The following ATXN1 variants were observed in gnomAD, a reference collection of about 807,000 sequenced individuals.
ATXN1 encodes ataxin 1, also known as ataxin-1.
A neutral mutation model predicts 56.4 loss-of-function variants in ATXN1; 8 were observed. The ratio of observed to expected loss-of-function variants is 0.14; its 90% CI spans 0.08 to 0.26. The LOEUF (loss-of-function observed/expected upper bound fraction) is 0.26, where lower values mean the gene tolerates loss of function less well. Among genes scored for constraint, ATXN1 ranks in the 10% least tolerant of loss-of-function variants. ATXN1 has a pLI of 1.00. For synonymous variants in ATXN1, 514 were observed against 494.6 expected, an observed-to-expected ratio of 1.04 and a Z score of -0.52; for missense variants, 987 against 1,106.5, an observed-to-expected ratio of 0.89 and a Z score of 1.53.
rs1179159463 is a variant in ATXN1 at position 16,438,551 on chromosome 6, T to G, written c.-161+47421A>C. Among the ~76,000 whole-genome samples the G allele has an allele frequency of 2.0e-5, 3 of 152,200 alleles. No homozygotes were observed. The East Asian group carries it at 5.8e-4, about 29-fold the overall frequency. Reference sequence around the variant, plus strand: ...ACAGTAAATTTTAATTAGTTTTAATTAGAAATGAGAAGTCCTACACCTCAT... The same window carrying G: ...ACAGTAAATTTTAATTAGTTTTAATGAGAAATGAGAAGTCCTACACCTCAT... On this transcript the variant is annotated intron_variant, in intron 6 of 7. Coordinates refer to ENST00000436367, the MANE Select transcript of ATXN1 (RefSeq NM_001128164.2).
intron 4 of ATXN1, among the ~76,000 whole-genome samples, chr6:16,552,783 T>C (rs1761945116): frequency 6.6e-6 from 1 of 152,242 alleles, no homozygotes; most frequent in Non-Finnish European, 1.5e-5. Context: ...TCTGTTTACC[T>C]GCTGGTCCAT....
chr6:16,317,492 T>C (rs554643242), intron 7 of ATXN1, among the ~76,000 whole-genome samples: 1 of 152,086 alleles, frequency 6.6e-6, no homozygotes, highest in Non-Finnish European at 1.5e-5. Flanking sequence ...ACCAGGCTAA[T>C]TTTTTTGTAT....
At chr6:16,726,665 G>T (rs1043765843) in intron 2 of ATXN1, among the ~76,000 whole-genome samples, 3 of 151,976 alleles carry the variant, frequency 2.0e-5, no homozygotes, top group African/African-American at 7.3e-5. Flanking sequence ...AGGAGTTCAA[G>T]ACTAGCCTGG....
At chr6:16,567,596 G>C (rs1398930212) in intron 4 of ATXN1, among the ~76,000 whole-genome samples, 1 of 152,130 alleles carries the variant, frequency 6.6e-6, no homozygotes, top group Non-Finnish European at 1.5e-5. Flanking sequence ...CCTCCTAACA[G>C]AACAGCATCA....
intron 4 of ATXN1, among the ~76,000 whole-genome samples, chr6:16,575,820 G>A (rs1223922518): frequency 6.6e-6 from 1 of 152,212 alleles, no homozygotes; most frequent in African/African-American, 2.4e-5. Context: ...AAAAAGGGGT[G>A]TGGCAATTGG....
chr6:16,537,459 C>T (rs1039965237), intron 4 of ATXN1, among the ~76,000 whole-genome samples: 1 of 151,932 alleles, frequency 6.6e-6, no homozygotes, highest in Non-Finnish European at 1.5e-5. Flanking sequence ...AATCCCAGCA[C>T]TTTGGGAGGC....
Position 16,390,108 on chromosome 6 carries a change from G to A in ATXN1, c.-160-61638C>T, listed in dbSNP as rs147303626. 6.0e-3 allele frequency among the ~76,000 whole-genome samples: 913 copies of A among 152,234 alleles called. 8 individuals are homozygous for A. The highest frequency in any genetic ancestry group is 0.021 in the African/African-American group (862 of 41,514). On this transcript the variant is annotated intron_variant, in intron 6 of 7. Coordinates refer to ENST00000436367, the MANE Select transcript of ATXN1 (RefSeq NM_001128164.2). ...TATCTGTAATGTCTGGCTAACACGAGCTTCCCAGGCTTTAAGTTAGCAGCT... is the reference window on the plus strand; with the variant it reads ...TATCTGTAATGTCTGGCTAACACGAACTTCCCAGGCTTTAAGTTAGCAGCT...
chr6:16,365,124 T>C (rs1314755790), intron 6 of ATXN1, among the ~76,000 whole-genome samples: 2 of 152,204 alleles, frequency 1.3e-5, no homozygotes, highest in Admixed American at 6.5e-5. Flanking sequence ...GTTTGTTACA[T>C]ATGTATACAT....
At chr6:16,507,529 C>T (rs2113680561) in intron 5 of ATXN1, among the ~76,000 whole-genome samples, 1 of 152,222 alleles carries the variant, frequency 6.6e-6, no homozygotes. Flanking sequence ...CTGAAGTCTC[C>T]AAAGCCAAAT....
At position 16,760,552 on chromosome 6, in the gene ATXN1, G is replaced by C. The variant is rs1295568492; in HGVS notation, c.-730+746C>G. On this transcript the variant is annotated intron_variant, in intron 1 of 7. Coordinates refer to ENST00000436367, the MANE Select transcript of ATXN1 (RefSeq NM_001128164.2). The surrounding 1 kb of genome is among the most constrained non-coding windows in gnomAD (Gnocchi z 5.3). ...CCCGCTACCCCCGCGCGGTCCCCGAGGCCACCCCTCTGCGCCCCCCGCCCG... is the reference window on the plus strand; with the variant it reads ...CCCGCTACCCCCGCGCGGTCCCCGACGCCACCCCTCTGCGCCCCCCGCCCG... Among the ~76,000 whole-genome samples, 2 of 150,716 alleles carry C rather than the reference G, an allele frequency of 1.3e-5. No individual in the cohort carries two copies. Among genetic ancestry groups the C allele is most frequent in the African/African-American group, 4.9e-5 (2 of 41,128 alleles).
chr6:16,537,392 A>G (rs566323840), intron 4 of ATXN1, among the ~76,000 whole-genome samples: 5 of 152,028 alleles, frequency 3.3e-5, no homozygotes, highest in African/African-American at 9.7e-5. Context: ...ACTCTAGTGC[A>G]TAAGTGGCTG....
chr6:16,457,536 G>A (rs183869118), intron 6 of ATXN1, among the ~76,000 whole-genome samples: 13 of 152,014 alleles, frequency 8.6e-5, no homozygotes, highest in Non-Finnish European at 1.3e-4. Context: ...TCTGCACTAC[G>A]GTCTGGCCTT....
chr6:16,683,420 C>T (rs983071605), intron 2 of ATXN1, among the ~76,000 whole-genome samples: 2 of 152,238 alleles, frequency 1.3e-5, no homozygotes, highest in African/African-American at 4.8e-5. Context: ...GTTATTTCAA[C>T]TTTCCACCTC....
At chr6:16,622,172 G>A (rs1763330210) in intron 3 of ATXN1, among the ~76,000 whole-genome samples, 1 of 152,148 alleles carries the variant, frequency 6.6e-6, no homozygotes, top group South Asian at 2.1e-4. Context: ...AGTGAAATGA[G>A]AAAGACAAAC....
At chr6:16,606,198 G>A (rs1179503281) in intron 3 of ATXN1, among the ~76,000 whole-genome samples, 4 of 152,016 alleles carry the variant, frequency 2.6e-5, no homozygotes, top group African/African-American at 9.7e-5. Context: ...GTTATGGGAT[G>A]AGATAAGGTT....
intron 4 of ATXN1, among the ~76,000 whole-genome samples, chr6:16,542,297 C>A (rs1165483810): frequency 2.0e-5 from 3 of 152,162 alleles, no homozygotes; most frequent in Admixed American, 2.0e-4. Flanking sequence ...ATCACCGCAT[C>A]CTATTTATTC....
chr6:16,517,777 C>G (rs1229979817), intron 5 of ATXN1, among the ~76,000 whole-genome samples: 1 of 152,152 alleles, frequency 6.6e-6, no homozygotes, highest in African/African-American at 2.4e-5. Context: ...TACATGAGAG[C>G]ACACACATGC....
At chr6:16,515,947 G>C (rs1761175099) in intron 5 of ATXN1, among the ~76,000 whole-genome samples, 1 of 152,150 alleles carries the variant, frequency 6.6e-6, no homozygotes, top group South Asian at 2.1e-4. Context: ...TCATTCAGGA[G>C]GAACAAGGTC....
intron 7 of ATXN1, among the ~76,000 whole-genome samples, chr6:16,323,476 C>G (rs1760728914): frequency 6.7e-6 from 1 of 148,338 alleles, no homozygotes; most frequent in Non-Finnish European, 1.5e-5. Flanking sequence ...CAAGATCACC[C>G]CACTGCACTC....
Sources: allele counts gnomAD v4.1 joint callset (sites outside exome capture counted in the v4.1 genomes callset), GRCh38; gene constraint gnomAD v4.1.1; non-coding constraint Gnocchi (gnomAD v3.1); transcripts MANE v1.5; gene names NCBI Gene and HGNC (gene_info 2026-07-23, HGNC 2026-07-21).